The following ELAPOR1 variants were observed in gnomAD, a reference collection of about 807,000 sequenced individuals.
ELAPOR1 encodes endosome-lysosome associated apoptosis and autophagy regulator 1, also known as endosome/lysosome-associated apoptosis and autophagy regulator 1.
ELAPOR1 carries 77 observed loss-of-function variants against 119.7 expected under a neutral mutation model. The observed-to-expected ratio is 0.64, with a 90% confidence interval of 0.54 to 0.78. The LOEUF is 0.78. Among genes scored for constraint, ELAPOR1 ranks in the 30% least tolerant of loss-of-function variants. ELAPOR1 has a pLI of 0.00. For missense variants in ELAPOR1, 1,115 were observed against 1,270.4 expected, an observed-to-expected ratio of 0.88 and a Z score of 1.86; for synonymous variants, 481 against 487.2, an observed-to-expected ratio of 0.99 and a Z score of 0.17.
intron 11 of ELAPOR1, among the ~76,000 whole-genome samples, chr1:109,190,425 C>A (rs1348116676): frequency 6.6e-6 from 1 of 152,232 alleles, no homozygotes; most frequent in East Asian, 1.9e-4. Context: ...AAAGGAAAGC[C>A]GTGAATGAAT....
intron 8 of ELAPOR1, chr1:109,187,524 G>T: frequency 3.0e-6 from 3 of 1,001,098 alleles, no homozygotes; most frequent in Non-Finnish European, 3.6e-6. Flanking sequence ...ATAAGGGCAC[G>T]TTTTTGTCTG....
chr1:109,126,877 C>T (rs762215818), intron 1 of ELAPOR1, among the ~76,000 whole-genome samples: 4 of 152,136 alleles, frequency 2.6e-5, no homozygotes, highest in Non-Finnish European at 4.4e-5. Context: ...GATTTCACCA[C>T]GGAATCACTG....
chr1:109,164,033 AT>A (rs955553681), intron 2 of ELAPOR1, among the ~76,000 whole-genome samples: 10 of 152,104 alleles, frequency 6.6e-5, no homozygotes, highest in East Asian at 5.8e-4. Flanking sequence ...CCCTAGATCT[AT>A]TTTTTTTATA....
chr1:109,134,789 G>A (rs1191054623), intron 1 of ELAPOR1, among the ~76,000 whole-genome samples: 1 of 152,138 alleles, frequency 6.6e-6, no homozygotes, highest in Non-Finnish European at 1.5e-5. Context: ...CTCCTTGCTA[G>A]GTGGGAAGGC....
At chr1:109,177,890 C>T (rs1652443839) in intron 7 of ELAPOR1, among the ~76,000 whole-genome samples, 2 of 152,046 alleles carry the variant, frequency 1.3e-5, no homozygotes, top group South Asian at 4.1e-4. Context: ...TGATTTTTAT[C>T]CAGAGTGCTG....
intron 7 of ELAPOR1, among the ~76,000 whole-genome samples, chr1:109,183,131 A>C (rs1652797360): frequency 6.6e-6 from 1 of 152,154 alleles, no homozygotes. Flanking sequence ...GGTAGAGAGA[A>C]ACATCTCTTT....
rs770343506 is a variant in ELAPOR1 at position 109,188,214 on chromosome 1, G to A, written c.1079G>A (p.Cys360Tyr). The change falls in exon 9 of 22, where the codon TGT becomes TAT. Residue 360 changes from cysteine (C) to tyrosine (Y), a missense_variant. Transcript: ENST00000369939. Reference protein sequence around the residue: ...LMYKWAKPKICSEDLEGAVKL... With the variant: ...LMYKWAKPKIYSEDLEGAVKL... ...TACAAATGGGCCAAGCCGAAAATCT[G>A]TAGCGAGGACCTTGAGGGGGCAGTG... is the stretch of plus-strand genomic sequence containing the variant. 4 of 1,612,996 alleles carry A rather than the reference G, an allele frequency of 2.5e-6. No individual in the cohort carries two copies. The South Asian group carries it at 4.4e-5, about 18-fold the overall frequency.
At chr1:109,194,128 G>T (rs140158241) in intron 14 of ELAPOR1, among the ~76,000 whole-genome samples, 1 of 152,152 alleles carries the variant, frequency 6.6e-6, no homozygotes, top group South Asian at 2.1e-4. Flanking sequence ...GTCTTGAGAG[G>T]CTTCTATAAT....
intron 1 of ELAPOR1, among the ~76,000 whole-genome samples, chr1:109,151,021 T>C (rs1650502054): frequency 6.6e-6 from 1 of 152,186 alleles, no homozygotes; most frequent in African/African-American, 2.4e-5. Context: ...AAATTCTGCA[T>C]CTGGCCGTAT....
At chr1:109,177,254 C>G (rs1237335511) in intron 7 of ELAPOR1, among the ~76,000 whole-genome samples, 82 of 149,338 alleles carry the variant, frequency 5.5e-4, no homozygotes, top group African/African-American at 2.0e-3. Context: ...CCACCTCCCT[C>G]CCGGACGGGG....
chr1:109,145,614 C>G (rs1248305799), intron 1 of ELAPOR1, among the ~76,000 whole-genome samples: 1 of 151,986 alleles, frequency 6.6e-6, no homozygotes, highest in African/African-American at 2.4e-5. Flanking sequence ...CGAGATCGTG[C>G]CACTGCATTC....
At chr1:109,166,633 C>G (rs1480813674) in intron 3 of ELAPOR1, among the ~76,000 whole-genome samples, 1 of 152,180 alleles carries the variant, frequency 6.6e-6, no homozygotes, top group Non-Finnish European at 1.5e-5. Flanking sequence ...ATGACCTGCT[C>G]TTTGTTATCC....
intron 14 of ELAPOR1, among the ~76,000 whole-genome samples, chr1:109,193,264 A>G (rs1653564759): frequency 6.6e-6 from 1 of 152,234 alleles, no homozygotes. Context: ...TTGGAAAGAT[A>G]GAAACCCAAC....
chr1:109,148,241 C>T lies in ELAPOR1; in HGVS notation c.154-13653C>T, dbSNP rs191821683. The stretch of plus-strand genomic sequence containing the variant: ...GCAACCTCCGCCTCCCAGGTTCAAG[C>T]GATTCTCCTGCCTCAGTCCCCCGAG... On this transcript the variant is annotated intron_variant, in intron 1 of 21. Transcript: ENST00000369939. 5.4e-3 allele frequency among the ~76,000 whole-genome samples: 558 copies of T among 103,432 alleles called. 7 individuals carry two copies. Among genetic ancestry groups the T allele is most frequent in the African/African-American group, 0.016 (535 of 33,832 alleles). 67.9% of individuals were successfully genotyped at this position (103,432 alleles called of 152,430 possible). A position where few individuals can be genotyped will look rare whatever the true frequency, so the allele number is the denominator to read the frequency against.
At chr1:109,157,823 G>C (rs1650976786) in intron 1 of ELAPOR1, among the ~76,000 whole-genome samples, 1 of 152,168 alleles carries the variant, frequency 6.6e-6, no homozygotes, top group African/African-American at 2.4e-5. Context: ...CTTCCACAGT[G>C]GATGGTAATG....
intron 1 of ELAPOR1, among the ~76,000 whole-genome samples, chr1:109,121,602 T>C (rs970061620): frequency 1.4e-4 from 21 of 152,120 alleles, no homozygotes; most frequent in Non-Finnish European, 2.5e-4. Flanking sequence ...ACATTCAGGA[T>C]GAATCCTGAA....
chr1:109,132,947 G>A (rs1649238529), intron 1 of ELAPOR1, among the ~76,000 whole-genome samples: 2 of 152,120 alleles, frequency 1.3e-5, no homozygotes, highest in Admixed American at 6.6e-5. Flanking sequence ...ATACAACTTA[G>A]GATCAGGTAT....
intron 15 of ELAPOR1, among the ~76,000 whole-genome samples, chr1:109,195,428 A>C (rs969466902): frequency 6.6e-6 from 1 of 151,754 alleles, no homozygotes; most frequent in Non-Finnish European, 1.5e-5. Flanking sequence ...TGGCAGGCGG[A>C]GCTTGCAGTG....
At position 109,202,985 on chromosome 1, in the gene ELAPOR1, C is replaced by T. The variant is rs370881094; in HGVS notation, c.3015C>T (p.Ser1005=). 3.1e-6 allele frequency: 5 copies of T among 1,613,716 alleles called. No homozygotes were observed. The highest frequency in any genetic ancestry group is 4.2e-6 in the Non-Finnish European group (5 of 1,179,780). Reference sequence around the variant, plus strand: ...TTGACTCAGTGCCGCTGAAGACATCCTCAGGAGGCCTAGACATGGACCTGT... The same window carrying T: ...TTGACTCAGTGCCGCTGAAGACATCTTCAGGAGGCCTAGACATGGACCTGT... ...DGFDSVPLKT[S]SGGLDMDL The change falls in exon 22 of 22, where the codon TCC becomes TCT. Residue 1005 remains serine (S), a synonymous_variant. Coordinates refer to ENST00000369939, the MANE Select transcript of ELAPOR1 (RefSeq NM_020775.5).
Sources: allele counts gnomAD v4.1 joint callset (sites outside exome capture counted in the v4.1 genomes callset), GRCh38; gene constraint gnomAD v4.1.1; transcripts MANE v1.5; gene names NCBI Gene and HGNC (gene_info 2026-07-23, HGNC 2026-07-21).